Variants in SPTLC3 observed in about 807,000 individuals in gnomAD.
SPTLC3 encodes serine palmitoyltransferase long chain base subunit 3.
A neutral mutation model predicts 59.3 loss-of-function variants in SPTLC3; 36 were observed. The ratio of observed to expected loss-of-function variants is 0.61; its 90% confidence interval spans 0.47 to 0.80. The LOEUF (loss-of-function observed/expected upper bound fraction) is 0.80. Among genes scored for constraint, SPTLC3 ranks in the 30% least tolerant of loss-of-function variants. SPTLC3 has a pLI of 0.00. For missense variants in SPTLC3, 625 were observed against 685.1 expected (o/e 0.91, Z 0.98); for synonymous variants, 257 against 240.8 (o/e 1.07, Z -0.62).
intron 9 of SPTLC3, among the ~76,000 whole-genome samples, chr20:13,148,300 T>C (rs1600386146): frequency 6.6e-6 from 1 of 152,212 alleles, no homozygotes; most frequent in Non-Finnish European, 1.5e-5. Context: ...AAAGTATTTG[T>C]GGCCTCCGTT....
rs747898663 is a variant in SPTLC3 at position 13,093,548 on chromosome 20, G to A, written c.797G>A (p.Gly266Asp). 2.5e-6 allele frequency: 4 copies of A among 1,613,478 alleles called. No homozygotes were observed. The highest frequency in any genetic ancestry group is 3.4e-6 in the Non-Finnish European group (4 of 1,179,520). Residue 266 changes from glycine to aspartate, a missense_variant, in exon 6 of 12, where the codon GGT becomes GAT. Transcript: ENST00000399002. ...TSLVLGARLSGATIRIFKHNN... is the reference protein window; with the variant it reads ...TSLVLGARLSDATIRIFKHNN... ...CTTGTGCTTGGGGCCCGACTCTCAG[G>A]TGCAACCATAAGAATCTTCAAACAC...
intron 1 of SPTLC3, among the ~76,000 whole-genome samples, chr20:13,011,072 A>G (rs1205437573): frequency 2.6e-5 from 4 of 152,164 alleles, no homozygotes. Flanking sequence ...AGGTGTCACT[A>G]AGCTACAATT....
At chr20:13,040,672 C>A (rs971875543) in intron 1 of SPTLC3, among the ~76,000 whole-genome samples, 3 of 151,538 alleles carry the variant, frequency 2.0e-5, no homozygotes, top group Non-Finnish European at 2.9e-5. Context: ...ATCACCTTTG[C>A]CTGTGCCCCC....
chr20:13,162,222 C>T (rs1600414875), intron 11 of SPTLC3, among the ~76,000 whole-genome samples: 1 of 152,138 alleles, frequency 6.6e-6, no homozygotes, highest in Non-Finnish European at 1.5e-5. Flanking sequence ...AAGAGGGGAC[C>T]TTGCACAGAA....
intron 1 of SPTLC3, among the ~76,000 whole-genome samples, chr20:13,014,424 C>T (rs571232024): frequency 6.6e-6 from 1 of 152,220 alleles, no homozygotes; most frequent in Non-Finnish European, 1.5e-5. Flanking sequence ...GGCATTCCAG[C>T]AGAGGGAAAG....
intron 2 of SPTLC3, among the ~76,000 whole-genome samples, chr20:13,057,585 T>G (rs996967501): frequency 2.6e-5 from 4 of 152,326 alleles, no homozygotes; most frequent in African/African-American, 9.6e-5. Context: ...GATCATCCTC[T>G]TTATCTGAAT....
intron 9 of SPTLC3, among the ~76,000 whole-genome samples, chr20:13,127,157 G>A (rs1413828050): frequency 6.6e-6 from 1 of 152,166 alleles, no homozygotes; most frequent in East Asian, 1.9e-4. Context: ...TGGCCATTGA[G>A]GATATATAGA....
At chr20:13,130,489 G>A (rs79503816) in intron 9 of SPTLC3, among the ~76,000 whole-genome samples, 1,957 of 152,330 alleles carry the variant, frequency 0.013, 34 homozygotes, top group Non-Finnish European at 0.021. Flanking sequence ...TTCAAAGAAA[G>A]GCAAGCTACA....
Position 13,095,418 on chromosome 20 carries a change from G to A in SPTLC3, c.826+1841G>A, listed in dbSNP as rs531615961. 3.9e-5 allele frequency among the ~76,000 whole-genome samples: 6 copies of A among 152,202 alleles called. No individual in the cohort carries two copies. The South Asian group carries it at 1.0e-3, about 26-fold the overall frequency. On this transcript the variant is annotated intron_variant, in intron 6 of 11. Transcript: ENST00000399002. Reference sequence around the variant, plus strand: ...TAGCTGCACAATAGTGGCATCTAGGGAACATCCATAAAAGATCAATGACTG... The same window carrying A: ...TAGCTGCACAATAGTGGCATCTAGGAAACATCCATAAAAGATCAATGACTG...
chr20:13,025,108 T>C (rs1348422296), intron 1 of SPTLC3, among the ~76,000 whole-genome samples: 3 of 152,226 alleles, frequency 2.0e-5, no homozygotes, highest in African/African-American at 7.2e-5. Flanking sequence ...CTTCCTTTTC[T>C]GCGTGTCACA....
rs114324835 is a variant in SPTLC3, at chr20:13,093,590, G to T, written c.826+13G>T. ...TTCAAACACAACAGTGAGTATCAGT[G>T]TATTTTCTCAACATGTACTGGATTG... On this transcript the variant is annotated intron_variant, in intron 6 of 11. Transcript: ENST00000399002. The T allele has an allele frequency of 3.5e-3, 5,584 of 1,609,810 alleles. 71 individuals are homozygous for T. The African/African-American group carries it at 0.038, about 11-fold the overall frequency.
At chr20:13,067,044 CATAT>C (rs143918659) in intron 2 of SPTLC3, among the ~76,000 whole-genome samples, 24 of 70,990 alleles carry the variant, frequency 3.4e-4, no homozygotes, top group South Asian at 1.3e-3. Flanking sequence ...GTCACTTCTA[CATAT>C]ATATATATAT....
chr20:13,026,533 G>C (rs1329883702), intron 1 of SPTLC3, among the ~76,000 whole-genome samples: 1 of 152,170 alleles, frequency 6.6e-6, no homozygotes, highest in Non-Finnish European at 1.5e-5. Flanking sequence ...CTTTTGAGAA[G>C]TGTCTGTTCG....
intron 2 of SPTLC3, among the ~76,000 whole-genome samples, chr20:13,067,843 C>T (rs1568586552): frequency 1.3e-5 from 2 of 152,142 alleles, no homozygotes; most frequent in Admixed American, 6.5e-5. Context: ...ATACAGTATT[C>T]GGTGAGAACT....
At chr20:13,027,777 C>T (rs534068273) in intron 1 of SPTLC3, among the ~76,000 whole-genome samples, 1 of 152,060 alleles carries the variant, frequency 6.6e-6, no homozygotes, top group Non-Finnish European at 1.5e-5. Context: ...CTAAAAGCCT[C>T]AAAGAATAAT....
At chr20:13,149,264 G>T (rs2038589523) in intron 9 of SPTLC3, among the ~76,000 whole-genome samples, 1 of 152,318 alleles carries the variant, frequency 6.6e-6, no homozygotes, top group South Asian at 2.1e-4. Context: ...TCTTGAAGGG[G>T]ATGTGGCCGC....
At chr20:13,116,036 C>T (rs1990528655) in intron 7 of SPTLC3, among the ~76,000 whole-genome samples, 1 of 152,182 alleles carries the variant, frequency 6.6e-6, no homozygotes, top group African/African-American at 2.4e-5. Context: ...GAAAAGACAA[C>T]TGTATTTGGC....
At chr20:13,114,784 G>T (rs562539754) in intron 7 of SPTLC3, among the ~76,000 whole-genome samples, 1 of 151,926 alleles carries the variant, frequency 6.6e-6, no homozygotes, top group African/African-American at 2.4e-5. Context: ...CCACCAAGGA[G>T]ATTTTTCCAC....
At position 13,158,928 on chromosome 20, in the gene SPTLC3, C is replaced by T. The variant is rs533572497; in HGVS notation, c.1416-1075C>T. 1.6e-4 allele frequency among the ~76,000 whole-genome samples: 25 copies of T among 152,324 alleles called. No homozygotes were observed. The East Asian group carries it at 3.9e-3, about 24-fold the overall frequency. ...AATGTTTCTCTGGTGCTGTCAGCTT[C>T]CAGCCTAAAATAATACACCAGCAAT... On this transcript the variant is annotated intron_variant, in intron 10 of 11. Coordinates refer to ENST00000399002, the MANE Select transcript of SPTLC3 (RefSeq NM_018327.4).
Sources: gnomAD v4.1 joint callset for allele counts (sites outside exome capture counted in the v4.1 genomes callset) on GRCh38, gnomAD v4.1.1 for gene constraint, MANE v1.5 for transcripts, NCBI Gene and HGNC (gene_info 2026-07-23, HGNC 2026-07-21) for gene names.